The following MMP26 variants were observed in gnomAD, a reference collection of about 807,000 sequenced individuals.
MMP26 encodes the protein matrix metallopeptidase 26.
In MMP26, 33 loss-of-function variants were observed where a neutral mutation model predicts 31.0. The observed-to-expected ratio is 1.06, with a 90% CI of 0.81 to 1.42. MMP26 has a LOEUF of 1.42. Among genes scored for constraint, MMP26 ranks in the 40% most tolerant of loss-of-function variants. The probability of loss-of-function intolerance (pLI) is 0.00; values close to 1 mark genes in which losing one functional copy is unlikely to be tolerated. For synonymous variants in MMP26, 122 were observed against 114.9 expected (o/e 1.06, Z -0.40); for missense variants, 347 against 316.1 (o/e 1.10, Z -0.74).
chr11:4,707,186 A>G (rs546545429), intron 1 of MMP26, among the ~76,000 whole-genome samples: 11 of 152,278 alleles, frequency 7.2e-5, no homozygotes, highest in African/African-American at 2.6e-4. Flanking sequence ...ATTCTTGTCA[A>G]CACTTGCTAT....
At chr11:4,802,613 T>A (rs901726565) in intron 2 of MMP26, among the ~76,000 whole-genome samples, 66 of 152,186 alleles carry the variant, frequency 4.3e-4, no homozygotes, top group African/African-American at 1.5e-3. Context: ...TGTAAAATCA[T>A]TTTTATCAAT....
At chr11:4,872,725 G>A (rs1313185208) in intron 2 of MMP26, among the ~76,000 whole-genome samples, 2 of 151,940 alleles carry the variant, frequency 1.3e-5, no homozygotes, top group African/African-American at 2.4e-5. Context: ...TGGAAGTGAA[G>A]TTCAATACTA....
Position 4,981,472 on chromosome 11 carries a change from T to G in MMP26, c.-144-6596T>G, listed in dbSNP as rs144608010. ...TATCTGTATATCCAAACATAAATAA[T>G]GTATGGTAAAAACACAACATAAAAG... On this transcript the variant is annotated intron_variant, in intron 2 of 7. Coordinates refer to ENST00000380390, the MANE Select transcript of MMP26 (RefSeq NM_021801.5). Among the ~76,000 whole-genome samples the G allele has an allele frequency of 2.7e-3, 417 of 152,196 alleles. 8 individuals carry two copies. Among genetic ancestry groups the G allele is most frequent in the African/African-American group, 9.9e-3 (410 of 41,536 alleles).
chr11:4,775,415 T>G (rs187948555), intron 2 of MMP26, among the ~76,000 whole-genome samples: 2 of 152,358 alleles, frequency 1.3e-5, no homozygotes, highest in Admixed American at 1.3e-4. Context: ...CATTCATTAT[T>G]TGGCTCTCTT....
At chr11:4,731,989 C>T (rs1848179960) in intron 1 of MMP26, among the ~76,000 whole-genome samples, 1 of 152,138 alleles carries the variant, frequency 6.6e-6, no homozygotes, top group Non-Finnish European at 1.5e-5. Flanking sequence ...TGTAGACCTA[C>T]CTTGGAGAAA....
intron 1 of MMP26, among the ~76,000 whole-genome samples, chr11:4,717,611 G>T (rs199532104): frequency 6.6e-6 from 1 of 151,640 alleles, no homozygotes; most frequent in Admixed American, 6.6e-5. Flanking sequence ...AAAACAATGT[G>T]TGTACACTTT....
At chr11:4,769,384 G>A in intron 2 of MMP26, 1 of 1,613,914 alleles carries the variant, frequency 6.2e-7, no homozygotes, top group Non-Finnish European at 8.5e-7. Context: ...AACAATAGGA[G>A]TGAGAAAGGG....
chr11:4,785,873 C>T (rs1382525245), intron 2 of MMP26, among the ~76,000 whole-genome samples: 1 of 152,178 alleles, frequency 6.6e-6, no homozygotes, highest in Admixed American at 6.5e-5. Context: ...TAGATCTGTT[C>T]AGGGACATGT....
chr11:4,710,451 A>G (rs1847846912), intron 1 of MMP26: 3 of 456,408 alleles, frequency 6.6e-6, no homozygotes, highest in African/African-American at 6.0e-5. Flanking sequence ...CATAATCTAC[A>G]GTGTAAAGAC....
chr11:4,934,274 T>C (rs1486545706), intron 2 of MMP26, among the ~76,000 whole-genome samples: 2 of 150,606 alleles, frequency 1.3e-5, no homozygotes, highest in Non-Finnish European at 3.0e-5. Flanking sequence ...TTCTAACTGG[T>C]GTGAGATGGT....
chr11:4,946,181 T>A lies in MMP26; in HGVS notation c.-144-41887T>A, dbSNP rs766798981. 1.2e-6 allele frequency: 2 copies of A among 1,613,996 alleles called. No individual in the cohort carries two copies. The highest frequency in any genetic ancestry group is 8.5e-7 in the Non-Finnish European group (1 of 1,179,970). On this transcript the variant is annotated intron_variant, in intron 2 of 7. Transcript: ENST00000380390. ...CTGTTAAATCTTCCGTTGACACAAT[T>A]TTGCTACAACTCTCACTCTAATCTG...
chr11:4,814,116 C>T (rs962110784), intron 2 of MMP26, among the ~76,000 whole-genome samples: 2 of 152,000 alleles, frequency 1.3e-5, no homozygotes, highest in Admixed American at 1.3e-4. Flanking sequence ...ATTAGAAAAG[C>T]TAAAATTAAG....
rs375152786 is a variant in MMP26 at position 4,803,663 on chromosome 11, C to T, written c.-145+36322C>T. On this transcript the variant is annotated intron_variant, in intron 2 of 7. Coordinates refer to ENST00000380390, the MANE Select transcript of MMP26 (RefSeq NM_021801.5). ...ATATGGGAGGAACGTGTGCTAAAAGCTTTGAGGCGGGCTTCACCTGAGGGC... is the reference window on the plus strand; with the variant it reads ...ATATGGGAGGAACGTGTGCTAAAAGTTTTGAGGCGGGCTTCACCTGAGGGC... 19 of 1,613,844 alleles carry T rather than the reference C, an allele frequency of 1.2e-5. No homozygotes were observed. In the South Asian group the frequency reaches 1.3e-4, roughly 11 times the overall value.
chr11:4,769,385 T>G (rs754743812), intron 2 of MMP26: 5 of 1,613,564 alleles, frequency 3.1e-6, no homozygotes, highest in Non-Finnish European at 4.2e-6. Flanking sequence ...ACAATAGGAG[T>G]GAGAAAGGGC....
chr11:4,984,797 A>C (rs1255831546), intron 2 of MMP26, among the ~76,000 whole-genome samples: 1 of 152,336 alleles, frequency 6.6e-6, no homozygotes, highest in East Asian at 1.9e-4. Flanking sequence ...CATTTCTGCA[A>C]CAGAATTTCA....
intron 2 of MMP26, chr11:4,923,910 C>A (rs2133583602): frequency 6.2e-7 from 1 of 1,614,086 alleles, no homozygotes; most frequent in Non-Finnish European, 8.5e-7. Flanking sequence ...CCCATCTTGA[C>A]AATACATGCA....
At chr11:4,989,105 T>C (rs777423545) in intron 3 of MMP26, among the ~76,000 whole-genome samples, 5 of 152,240 alleles carry the variant, frequency 3.3e-5, no homozygotes, top group Non-Finnish European at 7.3e-5. Context: ...ACAATGTGCT[T>C]TTTTTGTATT....
chr11:4,711,291 T>C (rs1489017425), intron 1 of MMP26: 1 of 152,226 alleles, frequency 6.6e-6, no homozygotes, highest in African/African-American at 2.4e-5. Context: ...TAGGTTAGTA[T>C]ACAAAGTACT....
chr11:4,884,132 A>T (rs2133541599), intron 2 of MMP26, among the ~76,000 whole-genome samples: 1 of 152,250 alleles, frequency 6.6e-6, no homozygotes, highest in African/African-American at 2.4e-5. Flanking sequence ...TTTATAATTA[A>T]AAGTAATTGC....
Sources: allele counts gnomAD v4.1 joint callset (sites outside exome capture counted in the v4.1 genomes callset), GRCh38; gene constraint gnomAD v4.1.1; transcripts MANE v1.5; gene names NCBI Gene and HGNC (gene_info 2026-07-23, HGNC 2026-07-21).